The following MAST2 variants were observed in gnomAD, a reference collection of about 807,000 sequenced individuals.
MAST2 encodes the protein microtubule-associated serine/threonine-protein kinase 2.
A neutral mutation model predicts 147.4 loss-of-function variants in MAST2; 70 were observed. That is an observed-to-expected ratio of 0.47 (90% confidence interval 0.39 to 0.58). The LOEUF is 0.58. Ranked by LOEUF, MAST2 falls within the 20% of genes least tolerant of loss-of-function variation. The pLI is 0.00. For synonymous variants in MAST2, 869 were observed against 896.8 expected (o/e 0.97, Z 0.55); for missense variants, 2,080 against 2,302.3 (o/e 0.90, Z 1.98).
At chr1:45,821,203 A>ATT (rs1241505929) in intron 1 of MAST2, among the ~76,000 whole-genome samples, 1 of 151,410 alleles carries the variant, frequency 6.6e-6, no homozygotes, top group African/African-American at 2.4e-5. Context: ...CCCAGCCTTT[A>ATT]TTTTTTCCTC....
chr1:45,902,037 G>A (rs1649854137), intron 4 of MAST2, among the ~76,000 whole-genome samples: 1 of 152,142 alleles, frequency 6.6e-6, no homozygotes, highest in South Asian at 2.1e-4. Context: ...TAGTGGGAGT[G>A]GACATCCTCG....
rs1183227205 is a variant in MAST2 at position 45,902,621 on chromosome 1, T to A, written c.500+20226T>A. On this transcript the variant is annotated intron_variant, in intron 4 of 28. Transcript: ENST00000361297. ...TCCTTCTGGTCCTGGGCTTTTTTTT[T>A]TGGTTCGTAGATTTTTAAATTACTG... Among the ~76,000 whole-genome samples, 3 of 152,164 alleles carry A rather than the reference T, an allele frequency of 2.0e-5. No homozygotes were observed. In the East Asian group the frequency reaches 5.8e-4, roughly 29 times the overall value.
intron 4 of MAST2, among the ~76,000 whole-genome samples, chr1:45,947,314 A>AC (rs967150274): frequency 7.1e-6 from 1 of 139,864 alleles, no homozygotes; most frequent in Non-Finnish European, 1.6e-5. Flanking sequence ...TTTAAAAAAA[A>AC]AAAAAAAAAA....
chr1:45,832,610 T>C lies in MAST2; in HGVS notation c.468+3029T>C, dbSNP rs887232394. Among the ~76,000 whole-genome samples the C allele has an allele frequency of 2.0e-5, 3 of 152,162 alleles. No individual in the cohort carries two copies. In the East Asian group the frequency reaches 5.8e-4, roughly 29 times the overall value. ...TGCCTGGCCTGTATTTTCTTTAAAGTGTTACCCTGATTCTAACAACGTACT... is the reference window on the plus strand; with the variant it reads ...TGCCTGGCCTGTATTTTCTTTAAAGCGTTACCCTGATTCTAACAACGTACT... On this transcript the variant is annotated intron_variant, in intron 3 of 28. Transcript: ENST00000361297.
At chr1:45,848,960 C>G (rs1376271000) in intron 3 of MAST2, among the ~76,000 whole-genome samples, 1 of 152,108 alleles carries the variant, frequency 6.6e-6, no homozygotes, top group Admixed American at 6.6e-5. Context: ...GGAGCCAAAT[C>G]AGGAAGGCAA....
chr1:46,033,144 G>A (rs1646749162), intron 26 of MAST2, among the ~76,000 whole-genome samples: 1 of 152,104 alleles, frequency 6.6e-6, no homozygotes, highest in South Asian at 2.1e-4. Flanking sequence ...CGTGGTGGTA[G>A]GCACTTGTAA....
intron 4 of MAST2, among the ~76,000 whole-genome samples, chr1:45,906,536 T>TA (rs145905219): frequency 6.8e-6 from 1 of 148,144 alleles, no homozygotes; most frequent in African/African-American, 2.6e-5. Flanking sequence ...AATTTATTGT[T>TA]AAAAAAATAA....
chr1:46,028,108 A>G (rs1274494376), intron 17 of MAST2, among the ~76,000 whole-genome samples: 1 of 152,206 alleles, frequency 6.6e-6, no homozygotes, highest in African/African-American at 2.4e-5. Context: ...GGGAACCCCT[A>G]TCTTTTCTAC....
intron 10 of MAST2, among the ~76,000 whole-genome samples, chr1:46,011,650 C>T (rs576431622): frequency 2.6e-5 from 4 of 152,278 alleles, no homozygotes; most frequent in East Asian, 3.9e-4. Flanking sequence ...ATATGCCTGT[C>T]CCCGCAGAGC....
intron 3 of MAST2, among the ~76,000 whole-genome samples, chr1:45,858,248 A>G (rs752592193): frequency 1.8e-4 from 28 of 152,036 alleles, no homozygotes; most frequent in Non-Finnish European, 3.8e-4. Flanking sequence ...AAGTGTTCCT[A>G]TTTCTCCATA....
chr1:45,959,500 A>G, intron 5 of MAST2, 23 bp downstream of exon 5: 4 of 1,603,680 alleles, frequency 2.5e-6, no homozygotes, highest in Non-Finnish European at 3.4e-6. Flanking sequence ...AGGTTAAGAA[A>G]GGTTGAATGA....
chr1:46,023,773 G>T lies in MAST2; in HGVS notation c.1573G>T (p.Ala525Ser). The T allele has an allele frequency of 1.2e-6, 2 of 1,613,818 alleles. No individual in the cohort carries two copies. The highest frequency in any genetic ancestry group is 1.7e-6 in the Non-Finnish European group (2 of 1,179,852). ...IKLISNGAYG[A>S]VFLVRHKSTR... ...GATGGGCCGGACTTTGTTTCCCAGG[G>T]CTGTATTTCTGGTGCGGCACAAGTC... The change falls in exon 15 of 29, where the codon GCT becomes TCT. Residue 525 changes from alanine to serine, a missense_variant and splice_region_variant. Transcript: ENST00000361297. This position sits in a 1 kb window ranked among gnomAD's most constrained non-coding sequence, Gnocchi z 4.9.
intron 7 of MAST2, among the ~76,000 whole-genome samples, chr1:46,003,220 T>C (rs1645345992): frequency 6.6e-6 from 1 of 152,164 alleles, no homozygotes; most frequent in Non-Finnish European, 1.5e-5. Flanking sequence ...TCCTTATTTC[T>C]AGAACTGGAA....
At chr1:46,017,539 T>C (rs891967114) in intron 10 of MAST2, among the ~76,000 whole-genome samples, 1 of 152,124 alleles carries the variant, frequency 6.6e-6, no homozygotes, top group African/African-American at 2.4e-5. Context: ...AAAGAAGACA[T>C]TTATGCAGCC....
At chr1:45,847,642 A>T (rs1289432619) in intron 3 of MAST2, 2 of 498,890 alleles carry the variant, frequency 4.0e-6, no homozygotes, top group African/African-American at 4.0e-5. Flanking sequence ...GGAGCTCTGC[A>T]CTCTAGACCC....
chr1:46,007,086 G>C (rs1645518190), intron 8 of MAST2, among the ~76,000 whole-genome samples: 1 of 152,132 alleles, frequency 6.6e-6, no homozygotes, highest in South Asian at 2.1e-4. Context: ...GATTCTCTTT[G>C]GCATTAGCTG....
At position 46,031,204 on chromosome 1, in the gene MAST2, T is replaced by C. The variant is rs755988892; in HGVS notation, c.2906T>C (p.Val969Ala). 3.8e-6 allele frequency: 6 copies of C among 1,561,702 alleles called. No homozygotes were observed. In the Admixed American group the frequency reaches 9.3e-5, roughly 24 times the overall value. Reference protein sequence around the residue: ...WVLTPPSGEGVSGPVTEHSGE... With the variant: ...WVLTPPSGEGASGPVTEHSGE... ...CTGACACCCCCATCTGGAGAGGGGG[T>C]ATCTGGGCCTGTCACTGAACACTCA... is the stretch of plus-strand genomic sequence containing the variant. Residue 969 changes from valine (V) to alanine (A), a missense_variant, in exon 23 of 29, where the codon GTA becomes GCA. Physicochemically the swap from Val to Ala is moderately conservative, Grantham distance 64. Around this residue, in one of 4 missense-constraint regions of MAST2, gnomAD observed 1,278 missense variants for 1,304.2 expected, o/e 0.98. Coordinates refer to ENST00000361297, the MANE Select transcript of MAST2 (RefSeq NM_015112.3). This position sits in a 1 kb window ranked among gnomAD's most constrained non-coding sequence, Gnocchi z 4.1.
intron 16 of MAST2, 146 bp from the exon 17 acceptor site, chr1:46,027,585 C>G: frequency 1.3e-6 from 1 of 796,320 alleles, no homozygotes; most frequent in Non-Finnish European, 2.0e-6. Flanking sequence ...GTGTCCACAC[C>G]TGCCTGTCCC....
chr1:45,844,140 C>T (rs2147931701), intron 3 of MAST2, among the ~76,000 whole-genome samples: 1 of 152,198 alleles, frequency 6.6e-6, no homozygotes, highest in African/African-American at 2.4e-5. Flanking sequence ...TGCTCTGTCA[C>T]CCAGGCTGGA....
Sources: allele counts gnomAD v4.1 joint callset (sites outside exome capture counted in the v4.1 genomes callset), GRCh38; gene constraint gnomAD v4.1.1; regional missense constraint gnomAD v4.1.1; non-coding constraint Gnocchi (gnomAD v3.1); transcripts MANE v1.5; gene names NCBI Gene and HGNC (gene_info 2026-07-23, HGNC 2026-07-21).